Variants in CFB observed in about 807,000 individuals in gnomAD.
CFB encodes the protein B-factor, properdin.
Under a neutral mutation model 97.2 loss-of-function variants are expected in CFB, and 59 were observed. The observed-to-expected ratio is 0.61, with a 90% CI of 0.49 to 0.75. CFB has a LOEUF of 0.75. CFB is among the 30% of genes least tolerant of loss of function. The pLI is 0.00. For missense variants in CFB, 771 were observed against 959.8 expected (o/e 0.80, Z 2.60); for synonymous variants, 316 against 351.7 (o/e 0.90, Z 1.14).
chr6:31,946,576 C>G lies in CFB; in HGVS notation c.268C>G (p.Gln90Glu). The change falls in exon 2 of 18, where the codon CAA (glutamine) becomes GAA (glutamate). Residue 90 changes from glutamine (Q) to glutamate (E), a missense_variant. By Grantham distance (29) the Gln-to-Glu change is conservative (BLOSUM62 2). Coordinates refer to ENST00000425368, the MANE Select transcript of CFB (RefSeq NM_001710.6). The surrounding 1 kb of genome is among the most constrained non-coding windows in gnomAD (Gnocchi z 6.4). ...GSWSTLKTQD[Q>E]KTVRKAECRA... ...CTGGAGCACCCTGAAGACTCAAGAC[C>G]AAAAGACTGTCAGGAAGGCAGAGTG... 6.2e-7 allele frequency: 1 copy of G among 1,611,734 alleles called. No homozygotes were observed. Among genetic ancestry groups the G allele is most frequent in the Non-Finnish European group, 8.5e-7 (1 of 1,180,006 alleles).
rs1260685754 is a variant in CFB at position 31,950,667 on chromosome 6, A to G, written c.1673A>G (p.Asn558Ser). Residue 558 changes from asparagine to serine, a missense_variant, in exon 13 of 18, where the codon AAC becomes AGC. Asn to Ser is a conservative substitution (Grantham distance 46, BLOSUM62 1). Transcript: ENST00000425368. ...ATAGAAGTAGTCCTATTTCACCCCA[A>G]CTACAACATTAATGGGAAAAAAGAA... Reference protein sequence around the residue: ...LEIEVVLFHPNYNINGKKEAG... With the variant: ...LEIEVVLFHPSYNINGKKEAG... 1 of 1,612,928 alleles carries G rather than the reference A, an allele frequency of 6.2e-7. No individual in the cohort carries two copies. The highest frequency in any genetic ancestry group is 8.5e-7 in the Non-Finnish European group (1 of 1,180,040).
rs1243181779 is a variant in CFB, at chr6:31,946,174, A to C, written c.-48A>C. The stretch of plus-strand genomic sequence containing the variant: ...AAGCAGACAAGCAAAGCAAGCCAGG[A>C]CACACCATCCTGCCCCAGGCCCAGC... On this transcript the variant is annotated 5_prime_UTR_variant, in exon 1 of 18. Coordinates refer to ENST00000425368, the MANE Select transcript of CFB (RefSeq NM_001710.6). This position sits in a 1 kb window ranked among gnomAD's most constrained non-coding sequence, Gnocchi z 6.4. The C allele has an allele frequency of 6.2e-7, 1 of 1,601,172 alleles. No individual in the cohort carries two copies. Among genetic ancestry groups the C allele is most frequent in the Admixed American group, 1.7e-5 (1 of 60,016 alleles).
intron 12 of CFB, 44 bp downstream of exon 12, chr6:31,950,447 A>G (rs369138652): frequency 1.2e-4 from 187 of 1,582,918 alleles, no homozygotes; most frequent in South Asian, 3.3e-4. Flanking sequence ...TATGCTCTCC[A>G]GGCAACACCT....
intron 6 of CFB, 119 bp from the exon 7 acceptor site, chr6:31,948,255 T>C (rs559712838): frequency 6.6e-7 from 1 of 1,524,626 alleles, no homozygotes; most frequent in South Asian, 1.1e-5. Context: ...AATTCCTCCA[T>C]GAACCTCAGC....
In CFB at chr6:31,947,803, G is replaced by A. The variant is rs753831049; in HGVS notation, c.720G>A (p.Glu240=). 1.8e-5 allele frequency: 29 copies of A among 1,613,486 alleles called. No individual in the cohort carries two copies. Among genetic ancestry groups the A allele is most frequent in the Non-Finnish European group, 2.1e-5 (25 of 1,180,038 alleles). Residue 240 remains glutamate (E), a synonymous_variant, in exon 5 of 18, where the codon GAG becomes GAA. Transcript: ENST00000425368. The surrounding 1 kb of genome is among the most constrained non-coding windows in gnomAD (Gnocchi z 5.3). ...AAGCTTTCCTGTCTTCCCTGACAGA[G>A]ACCATAGAAGGAGTCGATGCTGAGG... The part of the protein sequence containing the change: ...VAEAFLSSLT[E]TIEGVDAEDG...
At position 31,951,505 on chromosome 6, in the gene CFB, T is replaced by G; in HGVS notation, c.2089+32T>G. On this transcript the variant is annotated intron_variant, in intron 16 of 17. Transcript: ENST00000425368. This position sits in a 1 kb window ranked among gnomAD's most constrained non-coding sequence, Gnocchi z 4.3. ...GAATGCTCTTTGGTTGTGCTACAAGTGCCCAAGGCCCAACAGTCCTTTTCT... is the reference window on the plus strand; with the variant it reads ...GAATGCTCTTTGGTTGTGCTACAAGGGCCCAAGGCCCAACAGTCCTTTTCT... The G allele has an allele frequency of 6.2e-7, 1 of 1,614,212 alleles. No homozygotes were observed. Among genetic ancestry groups the G allele is most frequent in the Non-Finnish European group, 8.5e-7 (1 of 1,180,038 alleles).
Position 31,949,458 on chromosome 6 carries a change from G to A in CFB, c.1309G>A (p.Val437Met), listed in dbSNP as rs558604744. 1.2e-5 allele frequency: 19 copies of A among 1,614,184 alleles called. No individual in the cohort carries two copies. The Admixed American group carries it at 1.8e-4, about 16-fold the overall frequency. ...VFGVGPLVNQ[V>M]NINALASKKD... is the part of the protein sequence containing the mutation. ...TGGGGTCGGGCCTTTGGTGAACCAA[G>A]TGAACATCAATGCTTTGGCTTCCAA... is the stretch of plus-strand genomic sequence containing the variant. The change falls in exon 10 of 18, where the codon GTG becomes ATG. Residue 437 changes from valine (V) to methionine (M), a missense_variant. Transcript: ENST00000425368.
At chr6:31,948,288 C>T in intron 6 of CFB, 86 bp from the exon 7 acceptor site, 1 of 1,588,288 alleles carries the variant, frequency 6.3e-7, no homozygotes, top group South Asian at 1.1e-5. Flanking sequence ...TACTGAGAGC[C>T]TCCCTGTCCC....
chr6:31,950,147 T>C lies in CFB; in HGVS notation c.1506T>C (p.Ile502=). ...CATGGCAGGCCAAGATCTCAGTCAT[T>C]GTAAGCACAGAATCCCAGTAGTGGG... ...KQPWQAKISV[I]RPSKGHESCM... Residue 502 remains isoleucine, a splice_region_variant and synonymous_variant, in exon 11 of 18, where the codon ATT becomes ATC. Coordinates refer to ENST00000425368, the MANE Select transcript of CFB (RefSeq NM_001710.6). 1 of 1,612,958 alleles carries C rather than the reference T, an allele frequency of 6.2e-7. No homozygotes were observed. The highest frequency in any genetic ancestry group is 8.5e-7 in the Non-Finnish European group (1 of 1,179,998).
chr6:31,948,820 C>G lies in CFB; in HGVS notation c.1037-10C>G, dbSNP rs201659953. 707 of 1,613,020 alleles carry G rather than the reference C, an allele frequency of 4.4e-4. 3 individuals are homozygous for G. The Middle Eastern group carries it at 5.3e-3, about 12-fold the overall frequency. On this transcript the variant is annotated splice_polypyrimidine_tract_variant and intron_variant, in intron 7 of 17. Transcript: ENST00000425368. ...ACCAGGTGAGGTGATGGTCTCTTCCCTCTCCACAGACCACAAGTTGAAGTC... is the reference window on the plus strand; with the variant it reads ...ACCAGGTGAGGTGATGGTCTCTTCCGTCTCCACAGACCACAAGTTGAAGTC...
In CFB at chr6:31,946,995, C is replaced by G; in HGVS notation, c.299-12C>G. 3 of 1,612,902 alleles carry G rather than the reference C, an allele frequency of 1.9e-6. No homozygotes were observed. The highest frequency in any genetic ancestry group is 2.5e-6 in the Non-Finnish European group (3 of 1,179,996). On this transcript the variant is annotated splice_polypyrimidine_tract_variant and intron_variant, in intron 2 of 17. Coordinates refer to ENST00000425368, the MANE Select transcript of CFB (RefSeq NM_001710.6). The surrounding 1 kb of genome is among the most constrained non-coding windows in gnomAD (Gnocchi z 6.4). ...CCTCTTGATGACTTCTACTTGTCCC[C>G]CCTTCTCAAAGCAATCCACTGTCCA...
In CFB at chr6:31,951,902, G is replaced by C; in HGVS notation, c.2167G>C (p.Asp723His). The part of the protein sequence containing the change: ...QVGVISWGVV[D>H]VCKNQKRQKQ... ...TGGTGTAATCAGCTGGGGAGTAGTG[G>C]ATGTCTGCAAAAACCAGAAGCGGCA... Residue 723 changes from aspartate (D) to histidine (H), a missense_variant, in exon 18 of 18, where the codon GAT (aspartate) becomes CAT (histidine). Physicochemically the swap from Asp to His is moderately conservative, Grantham distance 81 (BLOSUM62 -1). Coordinates refer to ENST00000425368, the MANE Select transcript of CFB (RefSeq NM_001710.6). The surrounding 1 kb of genome is among the most constrained non-coding windows in gnomAD (Gnocchi z 4.3). 6.2e-7 allele frequency: 1 copy of C among 1,613,144 alleles called. No homozygotes were observed. The highest frequency in any genetic ancestry group is 8.5e-7 in the Non-Finnish European group (1 of 1,180,040).
At position 31,950,523 on chromosome 6, in the gene CFB, C is replaced by T; in HGVS notation, c.1625-96C>T. The T allele has an allele frequency of 3.2e-6, 5 of 1,579,356 alleles. No homozygotes were observed. In the South Asian group the frequency reaches 5.5e-5, roughly 17 times the overall value. ...CAGCCCCATTCCTTGCACCCCAGAC[C>T]AGTCAGGGATGGGGGAAGACGTGAA... is the stretch of plus-strand genomic sequence containing the variant. On this transcript the variant is annotated intron_variant, in intron 12 of 17. Coordinates refer to ENST00000425368, the MANE Select transcript of CFB (RefSeq NM_001710.6).
At position 31,948,942 on chromosome 6, in the gene CFB, C is replaced by T. The variant is rs1180058872; in HGVS notation, c.1149C>T (p.Val383=). 1 of 1,612,984 alleles carries T rather than the reference C, an allele frequency of 6.2e-7. No individual in the cohort carries two copies. The highest frequency in any genetic ancestry group is 2.2e-5 in the East Asian group (1 of 44,880). ...PPEGWNRTRH[V]IILMTDGLHN... ...AAGGCTGGAACCGCACCCGCCATGT[C>T]ATCATCCTCATGACTGATGGTCAGA... The change falls in exon 8 of 18, where the codon GTC becomes GTT. Residue 383 remains valine (V), a synonymous_variant. Coordinates refer to ENST00000425368, the MANE Select transcript of CFB (RefSeq NM_001710.6).
At chr6:31,950,229 A>G (rs994566640) in intron 11 of CFB, 57 bp from the exon 12 acceptor site, 43 of 1,606,084 alleles carry the variant, frequency 2.7e-5, no homozygotes, top group Middle Eastern at 1.6e-4. Flanking sequence ...AAAAATGGCC[A>G]TAAGAGATGG....
At position 31,949,473 on chromosome 6, in the gene CFB, T is replaced by G. The variant is rs752826576; in HGVS notation, c.1324T>G (p.Leu442Val). 6.2e-7 allele frequency: 1 copy of G among 1,614,128 alleles called. No homozygotes were observed. The highest frequency in any genetic ancestry group is 1.3e-5 in the African/African-American group (1 of 75,054). The change falls in exon 10 of 18, where the codon TTG becomes GTG. Residue 442 changes from leucine to valine, a missense_variant. Physicochemically the swap from Leu to Val is conservative, Grantham distance 32 (BLOSUM62 1). Transcript: ENST00000425368. Reference sequence around the variant, plus strand: ...GGTGAACCAAGTGAACATCAATGCTTTGGCTTCCAAGAAAGACAATGAGCA... The same window carrying G: ...GGTGAACCAAGTGAACATCAATGCTGTGGCTTCCAAGAAAGACAATGAGCA... ...PLVNQVNINA[L>V]ASKKDNEQHV... is the part of the protein sequence containing the mutation.
rs767428982 is a variant in CFB at position 31,947,029 on chromosome 6, C to T, written c.321C>T (p.His107=). ...AAGCAATCCACTGTCCAAGACCACACGACTTCGAGAACGGGGAATACTGGC... is the reference window on the plus strand; with the variant it reads ...AAGCAATCCACTGTCCAAGACCACATGACTTCGAGAACGGGGAATACTGGC... The part of the protein sequence containing the change: ...ECRAIHCPRP[H]DFENGEYWPR... Residue 107 remains histidine (H), a synonymous_variant, in exon 3 of 18, where the codon CAC becomes CAT. Coordinates refer to ENST00000425368, the MANE Select transcript of CFB (RefSeq NM_001710.6). The surrounding 1 kb of genome is among the most constrained non-coding windows in gnomAD (Gnocchi z 5.3). 40 of 1,612,878 alleles carry T rather than the reference C, an allele frequency of 2.5e-5. No homozygotes were observed. Among genetic ancestry groups the T allele is most frequent in the East Asian group, 1.1e-4 (5 of 44,880 alleles).
At position 31,947,443 on chromosome 6, in the gene CFB, G is replaced by A. The variant is rs1258031617; in HGVS notation, c.580G>A (p.Gly194Arg). Residue 194 changes from glycine to arginine, a missense_variant, in exon 4 of 18, where the codon GGG (glycine) becomes AGG (arginine). By Grantham distance (125) the Gly-to-Arg change is moderately radical. Coordinates refer to ENST00000425368, the MANE Select transcript of CFB (RefSeq NM_001710.6). This position sits in a 1 kb window ranked among gnomAD's most constrained non-coding sequence, Gnocchi z 5.3. ...EDSVTYHCSR[G>R]LTLRGSQRRT... ...CAGCGTCACCTACCACTGCAGCCGG[G>A]GGCTTACCCTGCGTGGCTCCCAGCG... is the stretch of plus-strand genomic sequence containing the variant. 6.2e-7 allele frequency: 1 copy of A among 1,613,014 alleles called. No homozygotes were observed. The highest frequency in any genetic ancestry group is 2.2e-5 in the East Asian group (1 of 44,878).
At chr6:31,949,087 A>C (rs1771603720) in intron 8 of CFB, 126 bp downstream of exon 8, 11 of 1,476,834 alleles carry the variant, frequency 7.4e-6, no homozygotes, top group East Asian at 2.3e-5. Flanking sequence ...CTGGCTGTTC[A>C]TCTCTCCTGT....
Sources: allele counts gnomAD v4.1 joint callset, GRCh38; gene constraint gnomAD v4.1.1; non-coding constraint Gnocchi (gnomAD v3.1); transcripts MANE v1.5; gene names NCBI Gene and HGNC (gene_info 2026-07-23, HGNC 2026-07-21).